TENM2: variants seen among roughly 807,000 people sequenced by gnomAD.
TENM2 encodes teneurin-2.
A neutral mutation model predicts 245.2 loss-of-function variants in TENM2; 52 were observed. The ratio of observed to expected loss-of-function variants is 0.21; its 90% CI spans 0.17 to 0.27. The LOEUF (loss-of-function observed/expected upper bound fraction) is 0.27, where lower values mean the gene tolerates loss of function less well. TENM2 is among the 10% of genes least tolerant of loss of function. TENM2 has a pLI of 1.00. For synonymous variants in TENM2, 1,363 were observed against 1,438.9 expected, an observed-to-expected ratio of 0.95 and a Z score of 1.19; for missense variants, 3,046 against 3,666.8, an observed-to-expected ratio of 0.83 and a Z score of 4.37.
At chr5:167,327,563 A>C (rs1414105397) in intron 1 of TENM2, among the ~76,000 whole-genome samples, 1 of 152,212 alleles carries the variant, frequency 6.6e-6, no homozygotes, top group Non-Finnish European at 1.5e-5. Flanking sequence ...TAGAAGAAAA[A>C]CAGGGATTAA....
At chr5:168,067,386 T>C (rs1790601744) in intron 7 of TENM2, among the ~76,000 whole-genome samples, 1 of 152,102 alleles carries the variant, frequency 6.6e-6, no homozygotes. Flanking sequence ...CCACAAATTG[T>C]CCCATGATCA....
chr5:167,414,664 A>G (rs533973335), intron 2 of TENM2, among the ~76,000 whole-genome samples: 1 of 152,168 alleles, frequency 6.6e-6, no homozygotes, highest in African/African-American at 2.4e-5. Flanking sequence ...AATAAAAGTG[A>G]GACATACAGA....
intron 2 of TENM2, among the ~76,000 whole-genome samples, chr5:167,455,836 T>C (rs1047189901): frequency 2.4e-4 from 37 of 152,192 alleles, no homozygotes; most frequent in Non-Finnish European, 2.9e-5. Context: ...CAGCTGCTCT[T>C]AGCTGCACCT....
intron 25 of TENM2, among the ~76,000 whole-genome samples, chr5:168,243,937 GTTT>G (rs1170318631): frequency 8.0e-6 from 1 of 125,516 alleles, no homozygotes; most frequent in Admixed American, 8.2e-5. Context: ...CTTTTCTTTG[GTTT>G]TTTTTTTTTT....
At chr5:167,489,797 T>C (rs1768313297) in intron 2 of TENM2, among the ~76,000 whole-genome samples, 1 of 152,202 alleles carries the variant, frequency 6.6e-6, no homozygotes, top group African/African-American at 2.4e-5. Flanking sequence ...ATATGTTATG[T>C]TGACATGATT....
exon 29 of TENM2, chr5:168,262,173 C>A: frequency 6.2e-7 from 1 of 1,612,790 alleles, no homozygotes; most frequent in Non-Finnish European, 8.5e-7. Flanking sequence ...TGGTTTGCCA[C>A]CACCACGCCC....
Position 167,933,668 on chromosome 5 carries a change from GA to G in TENM2, c.713-18909del, listed in dbSNP as rs71593154. 3.3e-3 allele frequency among the ~76,000 whole-genome samples: 470 copies of G among 144,404 alleles called. 1 individual carries two copies. Among genetic ancestry groups the G allele is most frequent in the Middle Eastern group, 7.0e-3 (2 of 284 alleles). 94.7% of individuals were successfully genotyped at this position (144,404 alleles called of 152,430 possible). A position where few individuals can be genotyped will look rare whatever the true frequency, so the allele number is the denominator to read the frequency against. ...ACTAATTCATTTATGAATAAATTGT[GA>G]AAAAAAAAAAGGCACATTCATGACC... On this transcript the variant is annotated intron_variant, in intron 3 of 28. Coordinates refer to ENST00000518659, the Ensembl canonical transcript of TENM2.
chr5:167,424,157 ACC>A (rs770206215), intron 2 of TENM2, among the ~76,000 whole-genome samples: 24,800 of 151,968 alleles, frequency 0.16, 2,154 homozygotes, highest in Middle Eastern at 0.25. Flanking sequence ...GAATGTGTTG[ACC>A]TAACATGCCC....
chr5:168,134,365 A>G (rs912571828), intron 12 of TENM2, among the ~76,000 whole-genome samples: 1 of 152,136 alleles, frequency 6.6e-6, no homozygotes, highest in African/African-American at 2.4e-5. Context: ...AGCTGTTATC[A>G]TCATCACCAT....
the TENM2 span, among the ~76,000 whole-genome samples, chr5:167,087,567 C>A: frequency 6.6e-6 from 1 of 152,158 alleles, no homozygotes. Flanking sequence ...TGCTATATTT[C>A]TAACACATAG....
intron 2 of TENM2, among the ~76,000 whole-genome samples, chr5:167,420,927 T>A (rs989557225): frequency 2.0e-5 from 3 of 152,160 alleles, no homozygotes; most frequent in African/African-American, 7.2e-5. Flanking sequence ...AAGGAAGGAA[T>A]TAATTCAATT....
At chr5:167,040,186 A>G in the TENM2 span, among the ~76,000 whole-genome samples, 1 of 152,180 alleles carries the variant, frequency 6.6e-6, no homozygotes, top group East Asian at 2.0e-4. Flanking sequence ...CTGCTTTACA[A>G]CAAAACTTTC....
chr5:167,141,204 A>T, the TENM2 span, among the ~76,000 whole-genome samples: 1 of 152,202 alleles, frequency 6.6e-6, no homozygotes, highest in Admixed American at 6.5e-5. Context: ...TTTTTATTGT[A>T]TATTAGTCAA....
intron 4 of TENM2, among the ~76,000 whole-genome samples, chr5:167,980,038 C>T (rs1168580918): frequency 1.3e-5 from 2 of 152,074 alleles, no homozygotes; most frequent in African/African-American, 4.8e-5. Context: ...TGCCTTTATT[C>T]ATTAAATAAA....
At chr5:168,007,009 A>C (rs902703639) in intron 5 of TENM2, among the ~76,000 whole-genome samples, 2 of 152,190 alleles carry the variant, frequency 1.3e-5, no homozygotes, top group Non-Finnish European at 2.9e-5. Context: ...GCCCAAGCTT[A>C]TCTCTTTTTG....
chr5:167,339,753 A>C (rs1344938943), intron 1 of TENM2, among the ~76,000 whole-genome samples: 1 of 152,204 alleles, frequency 6.6e-6, no homozygotes, highest in East Asian at 1.9e-4. Flanking sequence ...TACCCTCATG[A>C]ATGAATTAAC....
the TENM2 span, among the ~76,000 whole-genome samples, chr5:167,214,454 C>T: frequency 8.3e-4 from 127 of 152,254 alleles, no homozygotes; most frequent in Middle Eastern, 0.021. Context: ...TCAGAACCTT[C>T]CTGCATTTTT....
chr5:167,783,025 C>T (rs993277767), intron 2 of TENM2, among the ~76,000 whole-genome samples: 4 of 152,140 alleles, frequency 2.6e-5, no homozygotes, highest in Non-Finnish European at 5.9e-5. Context: ...TTTCTACAAT[C>T]GTCTGGCAAC....
chr5:167,746,708 A>AGAGAGAGAGAGC (rs1561732804), intron 2 of TENM2, among the ~76,000 whole-genome samples: 6 of 149,798 alleles, frequency 4.0e-5, no homozygotes, highest in African/African-American at 1.5e-4. Flanking sequence ...AGAGAGAGAG[A>AGAGAGAGAGAGC]GAGAGAGCTG....
Sources: allele counts gnomAD v4.1 joint callset (sites outside exome capture counted in the v4.1 genomes callset), GRCh38; gene constraint gnomAD v4.1.1; transcripts MANE v1.5; gene names NCBI Gene and HGNC (gene_info 2026-07-23, HGNC 2026-07-21).